Variants in TRAF2 observed in about 807,000 individuals in gnomAD.
The protein encoded by TRAF2 is TNF receptor associated factor 2, also known as TNF receptor-associated factor 2.
TRAF2 carries 6 observed loss-of-function variants against 55.6 expected under a neutral mutation model. The ratio of observed to expected loss-of-function variants is 0.11; its 90% CI spans 0.06 to 0.21. The LOEUF (loss-of-function observed/expected upper bound fraction) is 0.21, where lower values mean the gene tolerates loss of function less well. TRAF2 is among the 10% of genes least tolerant of loss of function. The pLI is 1.00. For missense variants in TRAF2, 561 were observed against 684.5 expected, an observed-to-expected ratio of 0.82 and a Z score of 2.01; for synonymous variants, 329 against 276.3, an observed-to-expected ratio of 1.19 and a Z score of -1.89.
intron 1 of TRAF2, among the ~76,000 whole-genome samples, chr9:136,897,245 A>G (rs1171597352): frequency 6.6e-6 from 1 of 152,220 alleles, no homozygotes; most frequent in Non-Finnish European, 1.5e-5. Flanking sequence ...TGCTCAGAGA[A>G]GCAGGAAGAG....
chr9:136,910,090 T>C (rs1005617505), intron 6 of TRAF2, 96 bp downstream of exon 6: 1 of 1,320,830 alleles, frequency 7.6e-7, no homozygotes, highest in Non-Finnish European at 1.1e-6. Context: ...TTATGACCCT[T>C]GTGCCCAAAG....
intron 6 of TRAF2, among the ~76,000 whole-genome samples, chr9:136,915,245 G>A (rs1850213453): frequency 6.6e-6 from 1 of 152,164 alleles, no homozygotes; most frequent in African/African-American, 2.4e-5. Flanking sequence ...CAAAAAAGGT[G>A]CATTCTGAGA....
rs530997731 is a variant in TRAF2 at position 136,920,107 on chromosome 9, C to T, written c.679-127C>T. 1.9e-5 allele frequency: 23 copies of T among 1,221,568 alleles called. No individual in the cohort carries two copies. The South Asian group carries it at 3.5e-4, about 19-fold the overall frequency. The allele number at this position is 1,221,568 out of a possible 1,614,324, so 75.7% of individuals were successfully genotyped here. A position where few individuals can be genotyped will look rare whatever the true frequency, so the allele number is the denominator to read the frequency against. ...AAGGATCAGCCATGACCAGGCCACCCAGGCATCCCTATCTATGACCCTGGC... is the reference window on the plus strand; with the variant it reads ...AAGGATCAGCCATGACCAGGCCACCTAGGCATCCCTATCTATGACCCTGGC... On this transcript the variant is annotated intron_variant, in intron 7 of 10. Transcript: ENST00000247668.
At chr9:136,887,472 A>C (rs1849479924) in intron 1 of TRAF2, among the ~76,000 whole-genome samples, 1 of 152,110 alleles carries the variant, frequency 6.6e-6, no homozygotes, top group Non-Finnish European at 1.5e-5. Context: ...GGGTCAGTGC[A>C]GAAGAGCACC....
At chr9:136,895,260 C>G (rs1849656304) in intron 1 of TRAF2, among the ~76,000 whole-genome samples, 1 of 152,210 alleles carries the variant, frequency 6.6e-6, no homozygotes, top group Admixed American at 6.5e-5. Context: ...TTTCCTCACT[C>G]CTGGGGCCAC....
intron 6 of TRAF2, among the ~76,000 whole-genome samples, chr9:136,915,896 G>A (rs986603864): frequency 1.3e-5 from 2 of 152,074 alleles, no homozygotes; most frequent in Admixed American, 6.6e-5. Flanking sequence ...ATGAAATCTT[G>A]TGCTGCGTCT....
rs947104869 is a variant in TRAF2, at chr9:136,898,782, G to A, written c.42G>A (p.Leu14=). ...TGACCCCCCCTGGCTCCCTGGAGTT[G>A]CTACAGCCCGGCTTCTCCAAGACCC... ...ASVTPPGSLE[L]LQPGFSKTLL... Residue 14 remains leucine, a synonymous_variant, in exon 2 of 11, where the codon TTG becomes TTA. Coordinates refer to ENST00000247668, the MANE Select transcript of TRAF2 (RefSeq NM_021138.4). 8 of 1,613,716 alleles carry A rather than the reference G, an allele frequency of 5.0e-6. No homozygotes were observed. Among genetic ancestry groups the A allele is most frequent in the South Asian group, 1.1e-5 (1 of 91,084 alleles).
At chr9:136,902,509 C>T (rs1849844654) in intron 4 of TRAF2, 1 of 152,298 alleles carries the variant, frequency 6.6e-6, no homozygotes, top group Non-Finnish European at 1.5e-5. Context: ...GGCTGAGGGC[C>T]AAGGACTATA....
At chr9:136,915,881 C>T (rs1027994943) in intron 6 of TRAF2, among the ~76,000 whole-genome samples, 8 of 152,116 alleles carry the variant, frequency 5.3e-5, no homozygotes, top group Non-Finnish European at 1.0e-4. Flanking sequence ...TCCCTCCTTC[C>T]GGGTATGAAA....
intron 4 of TRAF2, among the ~76,000 whole-genome samples, chr9:136,906,057 A>AGCCGAGAT (rs1257988917): frequency 2.0e-5 from 3 of 152,210 alleles, no homozygotes; most frequent in Non-Finnish European, 4.4e-5. Context: ...GGTTGCAGTG[A>AGCCGAGAT]GCCGAGATCG....
chr9:136,925,591 C>A, intron 10 of TRAF2, 92 bp from the exon 11 acceptor site: 1 of 1,332,226 alleles, frequency 7.5e-7, no homozygotes, highest in Non-Finnish European at 1.0e-6. Context: ...GGATGGCCTC[C>A]TGCTGGTGGC....
chr9:136,902,745 A>C (rs145130625), intron 4 of TRAF2, among the ~76,000 whole-genome samples: 1 of 152,172 alleles, frequency 6.6e-6, no homozygotes, highest in African/African-American at 2.4e-5. Context: ...CAACCCGTCT[A>C]TACAGTTGGG....
In TRAF2 at chr9:136,906,968, C is replaced by T. The variant is rs17250365; in HGVS notation, c.367-1102C>T. Among the ~76,000 whole-genome samples, 353 of 152,384 alleles carry T rather than the reference C, an allele frequency of 2.3e-3. 2 individuals carry two copies. The highest frequency in any genetic ancestry group is 8.2e-3 in the African/African-American group (342 of 41,590). On this transcript the variant is annotated intron_variant, in intron 4 of 10. Coordinates refer to ENST00000247668, the MANE Select transcript of TRAF2 (RefSeq NM_021138.4). ...GCCAGGCAGTCCTGGAAGGGTTCAG[C>T]CACATCCCGTCACCTTGCTGTCCTG...
At chr9:136,898,984 G>A in intron 2 of TRAF2, 56 bp downstream of exon 2, 1 of 1,522,302 alleles carries the variant, frequency 6.6e-7, no homozygotes, top group Non-Finnish European at 8.8e-7. Context: ...TGGTTTTAGA[G>A]CCACGCTGCC....
Position 136,926,229 on chromosome 9 carries a change from TCA to T in TRAF2, c.*329_*330del, listed in dbSNP as rs1491505757. 3 of 458,398 alleles carry T rather than the reference TCA, an allele frequency of 6.5e-6. No homozygotes were observed. Among genetic ancestry groups the T allele is most frequent in the South Asian group, 1.9e-5 (1 of 53,284 alleles). The allele number at this position is 458,398 out of a possible 1,614,324, so 28.4% of individuals were successfully genotyped here. On this transcript the variant is annotated 3_prime_UTR_variant, in exon 11 of 11. Coordinates refer to ENST00000247668, the MANE Select transcript of TRAF2 (RefSeq NM_021138.4). ...GGGAGAGGCCCTGGGTGGGGGACAC[TCA>T]GAGTGGGAGCACATCCCAGCAGTGC...
chr9:136,897,883 C>T (rs576734235), intron 1 of TRAF2, among the ~76,000 whole-genome samples: 191 of 135,360 alleles, frequency 1.4e-3, no homozygotes, highest in African/African-American at 5.2e-3. Flanking sequence ...TTCCCGCTCT[C>T]GGGGCTGGAG....
chr9:136,900,685 A>T, intron 4 of TRAF2, 165 bp downstream of exon 4: 1 of 702,296 alleles, frequency 1.4e-6, no homozygotes, highest in Non-Finnish European at 2.6e-6. Context: ...GAGTATGTCC[A>T]TTTAGAAACT....
rs1564421125 is a variant in TRAF2 at position 136,920,568 on chromosome 9, G to A, written c.960+53G>A. The A allele has an allele frequency of 3.2e-6, 5 of 1,543,576 alleles. No individual in the cohort carries two copies. In the East Asian group the frequency reaches 1.1e-4, roughly 35 times the overall value. ...GAGGAGGACAGTGTAAAGGGGGATAGTGTTCGTGCCCCAGCAGGTTCTAGC... is the reference window on the plus strand; with the variant it reads ...GAGGAGGACAGTGTAAAGGGGGATAATGTTCGTGCCCCAGCAGGTTCTAGC... On this transcript the variant is annotated intron_variant, in intron 8 of 10. Coordinates refer to ENST00000247668, the MANE Select transcript of TRAF2 (RefSeq NM_021138.4).
intron 2 of TRAF2, among the ~76,000 whole-genome samples, chr9:136,899,175 T>A (rs1003683275): frequency 6.6e-6 from 1 of 152,236 alleles, no homozygotes; most frequent in Non-Finnish European, 1.5e-5. Context: ...TAATTTTATC[T>A]TTTTATTATT....
Sources: gnomAD v4.1 joint callset for allele counts (sites outside exome capture counted in the v4.1 genomes callset) on GRCh38, gnomAD v4.1.1 for gene constraint, MANE v1.5 for transcripts, NCBI Gene and HGNC (gene_info 2026-07-23, HGNC 2026-07-21) for gene names.